MDFIC2: variants seen among roughly 807,000 people sequenced by gnomAD.
MDFIC2 encodes the protein myoD family inhibitor domain-containing protein 2.
At chr3:70,233,253 A>G (rs948397241) in intron 2 of MDFIC2, among the ~76,000 whole-genome samples, 7 of 152,122 alleles carry the variant, frequency 4.6e-5, no homozygotes, top group Non-Finnish European at 7.4e-5. Context: ...TGCTCTGCAA[A>G]AGATAAAAGC....
intron 2 of MDFIC2, among the ~76,000 whole-genome samples, chr3:70,269,312 T>A (rs920671064): frequency 1.3e-5 from 2 of 152,212 alleles, no homozygotes; most frequent in Non-Finnish European, 2.9e-5. Flanking sequence ...CATTATATAT[T>A]TCACATTCGA....
chr3:70,312,229 A>T (rs185591436), intron 1 of MDFIC2, among the ~76,000 whole-genome samples: 2 of 152,196 alleles, frequency 1.3e-5, no homozygotes, highest in Non-Finnish European at 2.9e-5. Context: ...CAATTTCTCA[A>T]TGTGAAAGAA....
chr3:70,244,752 T>C (rs1336378858), intron 2 of MDFIC2, among the ~76,000 whole-genome samples: 1 of 152,240 alleles, frequency 6.6e-6, no homozygotes, highest in Non-Finnish European at 1.5e-5. Flanking sequence ...ATGGTACTTA[T>C]ATTTTGTGCA....
Position 70,253,096 on chromosome 3 carries a change from G to A in MDFIC2, c.89-46306C>T, listed in dbSNP as rs574103889. Among the ~76,000 whole-genome samples the A allele has an allele frequency of 6.0e-4, 91 of 151,874 alleles. 1 individual carries two copies. The highest frequency in any genetic ancestry group is 6.8e-3 in the Middle Eastern group (2 of 292). On this transcript the variant is annotated intron_variant, in intron 2 of 3. Coordinates refer to ENST00000567252, the MANE Select transcript of MDFIC2 (RefSeq NM_001364677.1). ...ACTTTGCTCAAAGAAAAAAAAAATC[G>A]AAGAGAAACTAATACCTAAAATAAA...
chr3:70,275,008 T>C (rs1295698845), intron 2 of MDFIC2, among the ~76,000 whole-genome samples: 1 of 152,060 alleles, frequency 6.6e-6, no homozygotes, highest in African/African-American at 2.4e-5. Context: ...CTCAGAACCT[T>C]GTTTCTCAAA....
chr3:70,249,698 G>C (rs896884897), intron 2 of MDFIC2: 1 of 152,068 alleles, frequency 6.6e-6, no homozygotes, highest in Non-Finnish European at 1.5e-5. Flanking sequence ...TTTATTTCCC[G>C]CCTTCCCCTT....
At chr3:70,222,164 T>G (rs1392595635) in intron 2 of MDFIC2, among the ~76,000 whole-genome samples, 1 of 152,166 alleles carries the variant, frequency 6.6e-6, no homozygotes, top group Non-Finnish European at 1.5e-5. Context: ...GCAAAGGTAT[T>G]CTGCTGGTCT....
intron 2 of MDFIC2, among the ~76,000 whole-genome samples, chr3:70,275,671 G>C (rs1224478373): frequency 6.6e-6 from 1 of 152,154 alleles, no homozygotes; most frequent in Non-Finnish European, 1.5e-5. Flanking sequence ...TTCTTCATCT[G>C]TTCATCAGCG....
chr3:70,250,473 T>C (rs1701754046), intron 2 of MDFIC2, among the ~76,000 whole-genome samples: 1 of 151,304 alleles, frequency 6.6e-6, no homozygotes, highest in African/African-American at 2.4e-5. Context: ...CAGAATGATT[T>C]CCAACGAGAT....
intron 2 of MDFIC2, among the ~76,000 whole-genome samples, chr3:70,229,174 T>C (rs1701535990): frequency 6.6e-6 from 1 of 152,124 alleles, no homozygotes; most frequent in African/African-American, 2.4e-5. Context: ...TTTTTAGTTA[T>C]CAGCATCTTA....
intron 2 of MDFIC2, among the ~76,000 whole-genome samples, chr3:70,267,595 T>TC (rs1701931034): frequency 6.7e-6 from 1 of 148,814 alleles, no homozygotes; most frequent in Non-Finnish European, 1.5e-5. Context: ...TTTTTTTTTT[T>TC]TTAGTAAAGA....
chr3:70,235,378 AC>A (rs1701597625), intron 2 of MDFIC2, among the ~76,000 whole-genome samples: 1 of 152,108 alleles, frequency 6.6e-6, no homozygotes, highest in African/African-American at 2.4e-5. Context: ...TTCATCACCC[AC>A]TCACTCCTTA....
At position 70,271,115 on chromosome 3, in the gene MDFIC2, C is replaced by T. The variant is rs372542519; in HGVS notation, c.88+40771G>A. ...TATCGAAGCTGGGAAGTTGTATATA[C>T]TAAATTGGTGCAAAAGTCATTGTGG... On this transcript the variant is annotated intron_variant, in intron 2 of 3. Coordinates refer to ENST00000567252, the MANE Select transcript of MDFIC2 (RefSeq NM_001364677.1). 3.3e-5 allele frequency among the ~76,000 whole-genome samples: 5 copies of T among 152,080 alleles called. No homozygotes were observed. The East Asian group carries it at 7.7e-4, about 23-fold the overall frequency.
At chr3:70,270,640 C>G (rs2106671113) in intron 2 of MDFIC2, among the ~76,000 whole-genome samples, 1 of 152,214 alleles carries the variant, frequency 6.6e-6, no homozygotes, top group South Asian at 2.1e-4. Flanking sequence ...TGAGTGACTT[C>G]CTGGGATGGA....
intron 2 of MDFIC2, among the ~76,000 whole-genome samples, chr3:70,245,035 G>A (rs1701693701): frequency 6.6e-6 from 1 of 152,068 alleles, no homozygotes; most frequent in South Asian, 2.1e-4. Context: ...GTCCTTAGGG[G>A]ATTTGGAATT....
chr3:70,218,860 G>A (rs1011335354), intron 2 of MDFIC2, among the ~76,000 whole-genome samples: 5 of 152,064 alleles, frequency 3.3e-5, no homozygotes, highest in African/African-American at 4.8e-5. Context: ...AAAATATTCA[G>A]CATTCAAGCA....
chr3:70,298,031 T>A (rs1016775089), intron 2 of MDFIC2, among the ~76,000 whole-genome samples: 1 of 152,068 alleles, frequency 6.6e-6, no homozygotes, highest in African/African-American at 2.4e-5. Flanking sequence ...CAGGGTCACA[T>A]CTAAGATTGA....
chr3:70,211,210 C>T (rs1439172050), intron 2 of MDFIC2, among the ~76,000 whole-genome samples: 1 of 151,502 alleles, frequency 6.6e-6, no homozygotes, highest in African/African-American at 2.4e-5. Context: ...TTTCCCCCTT[C>T]CTTTCACTTC....
At chr3:70,290,841 CCTTT>C (rs979796567) in intron 2 of MDFIC2, among the ~76,000 whole-genome samples, 29 of 152,168 alleles carry the variant, frequency 1.9e-4, no homozygotes, top group African/African-American at 7.0e-4. Context: ...GGTCCTCACC[CCTTT>C]CTTTGACTAG....
Sources: gnomAD v4.1 joint callset for allele counts (sites outside exome capture counted in the v4.1 genomes callset) on GRCh38, gnomAD v4.1.1 for gene constraint, MANE v1.5 for transcripts, NCBI Gene and HGNC (gene_info 2026-07-23, HGNC 2026-07-21) for gene names.